Variants in DYRK1A observed in about 807,000 individuals in gnomAD.
DYRK1A encodes dual specificity tyrosine-phosphorylation-regulated kinase 1A.
DYRK1A carries 9 observed loss-of-function variants against 79.7 expected under a neutral mutation model. The observed-to-expected ratio is 0.11, with a 90% CI of 0.07 to 0.20. The LOEUF (loss-of-function observed/expected upper bound fraction) is 0.20, where lower values mean the gene tolerates loss of function less well. DYRK1A is among the 10% of genes least tolerant of loss of function. The pLI, the probability that DYRK1A is intolerant of heterozygous loss-of-function variation, is 1.00. For synonymous variants in DYRK1A, 349 were observed against 329.7 expected (o/e 1.06, Z -0.63); for missense variants, 622 against 956.0 (o/e 0.65, Z 4.61).
In DYRK1A at chr21:37,493,127, G is replaced by A. The variant is rs760017848; in HGVS notation, c.1035G>A (p.Met345Ile). 2.1e-6 allele frequency: 3 copies of A among 1,453,828 alleles called. No homozygotes were observed. Among genetic ancestry groups the A allele is most frequent in the Non-Finnish European group, 2.8e-6 (3 of 1,077,540 alleles). The allele number at this position is 1,453,828 out of a possible 1,614,324, so 90.1% of individuals were successfully genotyped here. Reference protein sequence around the residue: ...MWSLGCILVEMHTGEPLFSGA... With the variant: ...MWSLGCILVEIHTGEPLFSGA... ...CCCTCGGGTGTATTTTGGTTGAAAT[G>A]CACACTGGAGAACCTCTGTTCAGTG... The change falls in exon 8 of 12, where the codon ATG becomes ATA. Residue 345 changes from methionine (M) to isoleucine (I), a missense_variant. Met to Ile is a conservative substitution (Grantham distance 10). Transcript: ENST00000647188.
chr21:37,404,951 A>T (rs2050121317), intron 1 of DYRK1A, among the ~76,000 whole-genome samples: 2 of 152,196 alleles, frequency 1.3e-5, no homozygotes, highest in African/African-American at 4.8e-5. Context: ...ATGGTTCAGT[A>T]TAAGCAAGTA....
chr21:37,488,716 T>C, intron 6 of DYRK1A: 1 of 985,388 alleles, frequency 1.0e-6, no homozygotes, highest in African/African-American at 1.7e-5. Context: ...AAGTAGATCT[T>C]TCATTGGACG....
intron 1 of DYRK1A, among the ~76,000 whole-genome samples, chr21:37,390,503 C>G (rs1445901388): frequency 6.6e-6 from 1 of 152,116 alleles, no homozygotes; most frequent in Non-Finnish European, 1.5e-5. Flanking sequence ...TTGGCAGTTG[C>G]CCCCATAGTG....
At position 37,518,047 on chromosome 21, in the gene DYRK1A, C is replaced by T. The variant is rs1433631881; in HGVS notation, c.*5516C>T. The T allele has an allele frequency of 6.6e-6, 1 of 152,340 alleles. No homozygotes were observed. Among genetic ancestry groups the T allele is most frequent in the East Asian group, 1.9e-4 (1 of 5,178 alleles). 9.4% of individuals were successfully genotyped at this position (152,340 alleles called of 1,614,324 possible). A position where few individuals can be genotyped will look rare whatever the true frequency, so the allele number is the denominator to read the frequency against. On this transcript the variant is annotated 3_prime_UTR_variant, in exon 12 of 12. Coordinates refer to ENST00000647188, the MANE Select transcript of DYRK1A (RefSeq NM_001347721.2). ...AGCTGGGACTACCTGTGCACACCAC[C>T]ATGCCTGGCTGTTTTTAATACGGGG... is the stretch of plus-strand genomic sequence containing the variant.
intron 2 of DYRK1A, among the ~76,000 whole-genome samples, chr21:37,433,044 A>AAAATAT (rs372461775): frequency 0.013 from 1,847 of 140,488 alleles, 27 homozygotes; most frequent in African/African-American, 0.044. Context: ...AGGAATTCTA[A>AAAATAT]ATATATATAT....
rs981938260 is a variant in DYRK1A at position 37,515,497 on chromosome 21, G to C, written c.*2966G>C. The C allele has an allele frequency of 6.6e-6, 1 of 152,142 alleles. No individual in the cohort carries two copies. Among genetic ancestry groups the C allele is most frequent in the Non-Finnish European group, 1.5e-5 (1 of 68,026 alleles). The allele number at this position is 152,142 out of a possible 1,614,324, so 9.4% of individuals were successfully genotyped here. On this transcript the variant is annotated 3_prime_UTR_variant, in exon 12 of 12. Transcript: ENST00000647188. ...ATGTGAGGGTCTGATGGTTTTCTCT[G>C]ATATGCTTTGACGTGCTTGGATGAA...
intron 1 of DYRK1A, among the ~76,000 whole-genome samples, chr21:37,405,627 T>G (rs191017105): frequency 2.3e-4 from 35 of 152,296 alleles, no homozygotes; most frequent in African/African-American, 8.4e-4. Flanking sequence ...AGACTACAAA[T>G]TCAGGTCTCA....
At chr21:37,396,487 A>AT (rs1418326175) in intron 1 of DYRK1A, among the ~76,000 whole-genome samples, 3 of 151,194 alleles carry the variant, frequency 2.0e-5, no homozygotes, top group African/African-American at 7.3e-5. Flanking sequence ...GGGGTAAATT[A>AT]TTTTTTGAGT....
At chr21:37,505,975 A>T in intron 10 of DYRK1A, 124 bp from the exon 11 acceptor site, 1 of 1,197,300 alleles carries the variant, frequency 8.4e-7, no homozygotes, top group Non-Finnish European at 1.1e-6. Context: ...TCAAGTTAAT[A>T]TTAGAGATTT....
rs1170995197 is a variant in DYRK1A at position 37,513,165 on chromosome 21, AG to A, written c.*635del. The A allele has an allele frequency of 2.6e-5, 4 of 153,194 alleles. No homozygotes were observed. Among genetic ancestry groups the A allele is most frequent in the Admixed American group, 2.6e-4 (4 of 15,348 alleles). 9.5% of individuals were successfully genotyped at this position (153,194 alleles called of 1,614,324 possible). A position where few individuals can be genotyped will look rare whatever the true frequency, so the allele number is the denominator to read the frequency against. ...GTAAGCATGCTGAGTGGCGGGGATC[AG>A]AACTCTCCTATCTGAACCTACTGAG... On this transcript the variant is annotated 3_prime_UTR_variant, in exon 12 of 12. Transcript: ENST00000647188.
chr21:37,421,751 A>G (rs975820554), intron 2 of DYRK1A: 3 of 152,148 alleles, frequency 2.0e-5, no homozygotes, highest in African/African-American at 4.8e-5. Context: ...GTCAGATTTT[A>G]TAAGTTTGAC....
chr21:37,397,200 G>T (rs1265739493), intron 1 of DYRK1A, among the ~76,000 whole-genome samples: 1 of 152,210 alleles, frequency 6.6e-6, no homozygotes, highest in African/African-American at 2.4e-5. Flanking sequence ...GGGCCGTCAT[G>T]TGCTGGGCTA....
At chr21:37,408,592 G>T (rs1432229702) in intron 1 of DYRK1A, among the ~76,000 whole-genome samples, 1 of 152,142 alleles carries the variant, frequency 6.6e-6, no homozygotes, top group Non-Finnish European at 1.5e-5. Context: ...ACATAGAACA[G>T]TCATTCTCTA....
At position 37,520,757 on chromosome 21, in the gene DYRK1A, G is replaced by T. The variant is rs1205381987; in HGVS notation, c.*8226G>T. The T allele has an allele frequency of 6.6e-6, 1 of 152,294 alleles. No individual in the cohort carries two copies. Among genetic ancestry groups the T allele is most frequent in the Non-Finnish European group, 1.5e-5 (1 of 68,076 alleles). The allele number at this position is 152,294 out of a possible 1,614,324, so 9.4% of individuals were successfully genotyped here. A position where few individuals can be genotyped will look rare whatever the true frequency, so the allele number is the denominator to read the frequency against. On this transcript the variant is annotated 3_prime_UTR_variant, in exon 12 of 12. Coordinates refer to ENST00000647188, the MANE Select transcript of DYRK1A (RefSeq NM_001347721.2). ...CAGCTCCAGGTCTTGTCCCTGGCCA[G>T]TCTGGGCAGCTCTGCGCTCAGAGGC...
At chr21:37,479,552 ATTT>A (rs537740777) in intron 4 of DYRK1A, among the ~76,000 whole-genome samples, 1 of 71,240 alleles carries the variant, frequency 1.4e-5, no homozygotes, top group African/African-American at 4.0e-5. Context: ...TTCATCTAGT[ATTT>A]TTTTTTTTTA....
chr21:37,442,270 A>C (rs909484411), intron 2 of DYRK1A, among the ~76,000 whole-genome samples: 7 of 152,022 alleles, frequency 4.6e-5, no homozygotes, highest in Non-Finnish European at 8.8e-5. Flanking sequence ...GATTTGGAAG[A>C]TTTTTGACCA....
chr21:37,367,065 CGGTGTG>C lies in DYRK1A; in HGVS notation c.-639_-634del. 1 of 159,072 alleles carries C rather than the reference CGGTGTG, an allele frequency of 6.3e-6. No homozygotes were observed. The highest frequency in any genetic ancestry group is 1.4e-4 in the South Asian group (1 of 7,012). The allele number at this position is 159,072 out of a possible 1,614,324, so 9.9% of individuals were successfully genotyped here. On this transcript the variant is annotated 5_prime_UTR_variant, in exon 1 of 12. Transcript: ENST00000647188. ...GCCGCCGCCGGCGAGCAGGCGGGAC[CGGTGTG>C]AGTGCGAGTGTGTGTGCGAGGGAGC...
In DYRK1A at chr21:37,512,717, C is replaced by T. The variant is rs1210450879; in HGVS notation, c.*186C>T. On this transcript the variant is annotated 3_prime_UTR_variant, in exon 12 of 12. Coordinates refer to ENST00000647188, the MANE Select transcript of DYRK1A (RefSeq NM_001347721.2). ...AGGGACATTGAAGTGTTTAAAAGAG[C>T]CATGTCCAAACCCATCTTCATGGAT... 1.5e-5 allele frequency: 10 copies of T among 679,408 alleles called. No homozygotes were observed. Among genetic ancestry groups the T allele is most frequent in the East Asian group, 2.7e-5 (1 of 36,498 alleles). 42.1% of individuals were successfully genotyped at this position (679,408 alleles called of 1,614,324 possible). A position where few individuals can be genotyped will look rare whatever the true frequency, so the allele number is the denominator to read the frequency against.
chr21:37,406,434 G>C (rs941047980), intron 1 of DYRK1A, among the ~76,000 whole-genome samples: 1 of 152,150 alleles, frequency 6.6e-6, no homozygotes, highest in African/African-American at 2.4e-5. Context: ...GGTGGCTCAA[G>C]TCTGTAATCC....
Sources: gnomAD v4.1 joint callset for allele counts (sites outside exome capture counted in the v4.1 genomes callset) on GRCh38, gnomAD v4.1.1 for gene constraint, MANE v1.5 for transcripts, NCBI Gene and HGNC (gene_info 2026-07-23, HGNC 2026-07-21) for gene names.